The following GDPD4 variants were observed in gnomAD, a reference collection of about 807,000 sequenced individuals.
The protein encoded by GDPD4 is glycerophosphodiester phosphodiesterase 6.
GDPD4 carries 60 observed loss-of-function variants against 67.8 expected under a neutral mutation model. That is an observed-to-expected ratio of 0.88 (90% CI 0.72 to 1.10). GDPD4 has a LOEUF of 1.10. Among genes scored for constraint, GDPD4 ranks in the 50% least tolerant of loss-of-function variants. GDPD4 has a pLI of 0.00. For synonymous variants in GDPD4, 212 were observed against 210.9 expected (o/e 1.00, Z -0.04); for missense variants, 623 against 613.9 (o/e 1.01, Z -0.16).
intron 10 of GDPD4, among the ~76,000 whole-genome samples, chr11:77,265,554 C>A (rs369470768): frequency 6.6e-6 from 1 of 152,016 alleles, no homozygotes; most frequent in Admixed American, 6.6e-5. Flanking sequence ...GCCCATTTCC[C>A]CTAATAGTAA....
intron 11 of GDPD4, among the ~76,000 whole-genome samples, chr11:77,249,903 T>A (rs1406598883): frequency 3.9e-5 from 6 of 152,236 alleles, no homozygotes; most frequent in African/African-American, 1.2e-4. Context: ...AAAAATTTTT[T>A]AAATTTCCTT....
chr11:77,279,271 G>A, intron 4 of GDPD4, 35 bp downstream of exon 4: 2 of 1,372,188 alleles, frequency 1.5e-6, no homozygotes, highest in Non-Finnish European at 2.1e-6. Context: ...AGGCTACTCA[G>A]GAAGGGAGTG....
chr11:77,294,047 C>T (rs1937869052), intron 1 of GDPD4, among the ~76,000 whole-genome samples: 1 of 152,050 alleles, frequency 6.6e-6, no homozygotes, highest in African/African-American at 2.4e-5. Flanking sequence ...CAAGGTAGAA[C>T]TAGATGCAAA....
At chr11:77,231,311 A>G (rs568577076) in intron 14 of GDPD4, among the ~76,000 whole-genome samples, 1 of 152,314 alleles carries the variant, frequency 6.6e-6, no homozygotes, top group East Asian at 1.9e-4. Flanking sequence ...CCCAATTTTC[A>G]AACAGAAGAA....
intron 1 of GDPD4, among the ~76,000 whole-genome samples, chr11:77,290,026 G>T (rs975079929): frequency 1.3e-5 from 2 of 152,164 alleles, no homozygotes; most frequent in Non-Finnish European, 2.9e-5. Flanking sequence ...CTTACAAGGG[G>T]TTCAGACATC....
intron 2 of GDPD4, among the ~76,000 whole-genome samples, chr11:77,285,602 C>T (rs182522310): frequency 1.3e-5 from 2 of 152,162 alleles, no homozygotes; most frequent in African/African-American, 2.4e-5. Flanking sequence ...CATCAATCTA[C>T]CCCATTGGAG....
chr11:77,291,937 G>A (rs984993756), intron 1 of GDPD4, among the ~76,000 whole-genome samples: 2 of 152,162 alleles, frequency 1.3e-5, no homozygotes, highest in East Asian at 1.9e-4. Context: ...GGCTGAGGCA[G>A]GAGAATTGCT....
At chr11:77,254,012 G>A (rs1205316327) in intron 11 of GDPD4, among the ~76,000 whole-genome samples, 1 of 152,048 alleles carries the variant, frequency 6.6e-6, no homozygotes, top group African/African-American at 2.4e-5. Flanking sequence ...CTGTTGGGGT[G>A]GTTCCCCAGT....
intron 16 of GDPD4, among the ~76,000 whole-genome samples, chr11:77,222,656 C>T (rs973450798): frequency 2.6e-5 from 4 of 152,250 alleles, no homozygotes; most frequent in African/African-American, 9.6e-5. Flanking sequence ...CTCTGGCTGC[C>T]CTTAACATTT....
At chr11:77,245,790 G>GATA (rs1256929038) in intron 11 of GDPD4, among the ~76,000 whole-genome samples, 2 of 152,164 alleles carry the variant, frequency 1.3e-5, no homozygotes, top group Non-Finnish European at 2.9e-5. Context: ...CATAAGTCAA[G>GATA]ATAATACATC....
intron 10 of GDPD4, among the ~76,000 whole-genome samples, chr11:77,263,876 C>T (rs957092942): frequency 6.6e-6 from 1 of 152,164 alleles, no homozygotes; most frequent in East Asian, 1.9e-4. Context: ...AAAAGTTAGG[C>T]GGAGACTGCA....
intron 1 of GDPD4, among the ~76,000 whole-genome samples, chr11:77,290,841 CT>C (rs1937747859): frequency 6.6e-6 from 1 of 152,086 alleles, no homozygotes; most frequent in Non-Finnish European, 1.5e-5. Flanking sequence ...TATCTTACCC[CT>C]GTTAGAAGGG....
chr11:77,224,577 G>T (rs1359548234), intron 16 of GDPD4, among the ~76,000 whole-genome samples: 1 of 152,140 alleles, frequency 6.6e-6, no homozygotes, highest in Admixed American at 6.6e-5. Context: ...CCTGCTAACA[G>T]CCATTGAGAA....
chr11:77,226,557 G>C (rs12574286), intron 16 of GDPD4, among the ~76,000 whole-genome samples: 33,117 of 152,066 alleles, frequency 0.22, 3,844 homozygotes, highest in Admixed American at 0.32. Flanking sequence ...CTTGATCTGG[G>C]ATTTCTAGCC....
chr11:77,273,830 C>T (rs781117596), intron 5 of GDPD4, among the ~76,000 whole-genome samples: 2 of 152,190 alleles, frequency 1.3e-5, no homozygotes, highest in Non-Finnish European at 2.9e-5. Context: ...CTATGATCAG[C>T]TAACCTACTC....
intron 11 of GDPD4, among the ~76,000 whole-genome samples, chr11:77,246,514 A>G (rs142717667): frequency 8.1e-4 from 124 of 152,368 alleles, no homozygotes; most frequent in Non-Finnish European, 1.3e-3. Context: ...TTAGTACATT[A>G]AAGTTCAATC....
Position 77,290,195 on chromosome 11 carries a change from T to C in GDPD4, c.-253-2775A>G, listed in dbSNP as rs187561690. ...ACATAAGAGAAACCAGTCAGACTAA[T>C]AGTGGATTTCTCAGTAGAAATCTTA... On this transcript the variant is annotated intron_variant, in intron 1 of 16. Transcript: ENST00000315938. Among the ~76,000 whole-genome samples, 16 of 152,332 alleles carry C rather than the reference T, an allele frequency of 1.1e-4. No individual in the cohort carries two copies. In the East Asian group the frequency reaches 3.1e-3, roughly 29 times the overall value.
intron 13 of GDPD4, among the ~76,000 whole-genome samples, chr11:77,235,018 T>TTTTTTGTTTG (rs1555115896): frequency 2.3e-5 from 3 of 129,156 alleles, no homozygotes; most frequent in Non-Finnish European, 5.2e-5. Flanking sequence ...TGTTTTTTTT[T>TTTTTTGTTTG]TTTTTTTTTT....
intron 1 of GDPD4, among the ~76,000 whole-genome samples, chr11:77,289,684 T>A (rs149050107): frequency 0.013 from 1,939 of 150,104 alleles, 15 homozygotes; most frequent in Middle Eastern, 0.017. Flanking sequence ...TGAGCTGAGA[T>A]TGCACCACTG....
Sources: gnomAD v4.1 joint callset for allele counts (sites outside exome capture counted in the v4.1 genomes callset) on GRCh38, gnomAD v4.1.1 for gene constraint, MANE v1.5 for transcripts, NCBI Gene and HGNC (gene_info 2026-07-23, HGNC 2026-07-21) for gene names.